Variants in TRAPPC9 observed in about 807,000 individuals in gnomAD.
The protein encoded by TRAPPC9 is IKK2 binding protein.
A neutral mutation model predicts 124.0 loss-of-function variants in TRAPPC9; 83 were observed. The observed-to-expected ratio is 0.67, with a 90% CI of 0.56 to 0.80. TRAPPC9 has a LOEUF of 0.80. TRAPPC9 is among the 30% of genes least tolerant of loss of function. TRAPPC9 has a pLI of 0.00. For synonymous variants in TRAPPC9, 638 were observed against 617.5 expected, an observed-to-expected ratio of 1.03 and a Z score of -0.49; for missense variants, 1,302 against 1,508.3, an observed-to-expected ratio of 0.86 and a Z score of 2.27.
intron 21 of TRAPPC9, among the ~76,000 whole-genome samples, chr8:139,841,677 G>A (rs12234980): frequency 6.6e-6 from 1 of 152,228 alleles, no homozygotes; most frequent in Non-Finnish European, 1.5e-5. Context: ...TCCTGGTGCA[G>A]GCAGAATTCG....
intron 17 of TRAPPC9, among the ~76,000 whole-genome samples, chr8:140,090,962 C>T (rs1844532519): frequency 6.6e-6 from 1 of 152,202 alleles, no homozygotes; most frequent in Non-Finnish European, 1.5e-5. Context: ...TCGAGCGCTC[C>T]CAGTGCTACA....
intron 4 of TRAPPC9, among the ~76,000 whole-genome samples, chr8:140,433,240 C>T (rs1283125252): frequency 2.0e-5 from 3 of 151,788 alleles, no homozygotes; most frequent in East Asian, 1.9e-4. Flanking sequence ...TATAGTGAGC[C>T]GAGATCATGC....
chr8:140,074,330 A>G (rs2129878214), intron 17 of TRAPPC9, among the ~76,000 whole-genome samples: 1 of 152,302 alleles, frequency 6.6e-6, no homozygotes, highest in African/African-American at 2.4e-5. Context: ...CAGTGGTCAC[A>G]GCCGTGCTTC....
intron 6 of TRAPPC9, among the ~76,000 whole-genome samples, chr8:140,403,118 T>G (rs968462768): frequency 6.6e-6 from 1 of 152,176 alleles, no homozygotes; most frequent in Admixed American, 6.5e-5. Context: ...AAGAGTTTTA[T>G]TCTATCATTA....
At chr8:139,991,667 C>T (rs1234594814) in intron 18 of TRAPPC9, among the ~76,000 whole-genome samples, 5 of 151,258 alleles carry the variant, frequency 3.3e-5, no homozygotes, top group South Asian at 4.2e-4. Flanking sequence ...GAGACCAAGG[C>T]GAGTCTCTGA....
intron 21 of TRAPPC9, among the ~76,000 whole-genome samples, chr8:139,839,525 G>T (rs1210771821): frequency 1.3e-5 from 2 of 152,218 alleles, no homozygotes; most frequent in Non-Finnish European, 2.9e-5. Context: ...TCTCAGGGGA[G>T]TAGACAGTAG....
chr8:139,968,584 C>T (rs56193660), intron 19 of TRAPPC9, among the ~76,000 whole-genome samples: 2 of 152,160 alleles, frequency 1.3e-5, no homozygotes, highest in Admixed American at 6.5e-5. Flanking sequence ...TTGTCTACTC[C>T]GGACAAGGCT....
chr8:139,965,387 C>T (rs906207999), intron 19 of TRAPPC9, among the ~76,000 whole-genome samples: 5 of 152,270 alleles, frequency 3.3e-5, no homozygotes, highest in Non-Finnish European at 5.9e-5. Flanking sequence ...CAGCAGCTCC[C>T]GAGGCTCCCA....
chr8:140,090,833 C>T (rs932582930), intron 17 of TRAPPC9, among the ~76,000 whole-genome samples: 9 of 152,216 alleles, frequency 5.9e-5, no homozygotes, highest in Non-Finnish European at 8.8e-5. Flanking sequence ...TCATTGACAG[C>T]GGAGGCCAAC....
chr8:140,078,692 A>G (rs1160274945), intron 17 of TRAPPC9, among the ~76,000 whole-genome samples: 1 of 152,146 alleles, frequency 6.6e-6, no homozygotes, highest in Non-Finnish European at 1.5e-5. Flanking sequence ...TCATCTTCTG[A>G]GGAGCCCATG....
At chr8:140,355,670 T>C (rs1302546431) in intron 9 of TRAPPC9, among the ~76,000 whole-genome samples, 1 of 152,062 alleles carries the variant, frequency 6.6e-6, no homozygotes. Flanking sequence ...GCTCTGGCCA[T>C]AAAAGCAATG....
chr8:140,231,802 C>A (rs976028067), intron 16 of TRAPPC9, among the ~76,000 whole-genome samples: 1 of 152,060 alleles, frequency 6.6e-6, no homozygotes, highest in African/African-American at 2.4e-5. Flanking sequence ...CTTTCCTACC[C>A]TACCCTTTTC....
Position 140,038,792 on chromosome 8 carries a change from G to A in TRAPPC9, c.2557-14713C>T, listed in dbSNP as rs116631508. 1.7e-3 allele frequency among the ~76,000 whole-genome samples: 266 copies of A among 152,324 alleles called. 2 individuals carry two copies. The highest frequency in any genetic ancestry group is 5.8e-3 in the African/African-American group (243 of 41,564). On this transcript the variant is annotated intron_variant, in intron 17 of 22. Transcript: ENST00000438773. ...TATCTGCCAAGTCTGTCTAATCCACGTGCTTAGATGGTTCCCGTCTGCAGG... is the reference window on the plus strand; with the variant it reads ...TATCTGCCAAGTCTGTCTAATCCACATGCTTAGATGGTTCCCGTCTGCAGG...
intron 18 of TRAPPC9, among the ~76,000 whole-genome samples, chr8:140,011,058 G>C (rs1476574434): frequency 6.6e-6 from 1 of 152,090 alleles, no homozygotes; most frequent in African/African-American, 2.4e-5. Context: ...AATGGTAACA[G>C]GCAGGGCATG....
intron 17 of TRAPPC9, among the ~76,000 whole-genome samples, chr8:140,186,689 C>T (rs1156888527): frequency 2.0e-5 from 3 of 152,168 alleles, no homozygotes; most frequent in Non-Finnish European, 4.4e-5. Flanking sequence ...GAGGTTTCTG[C>T]ATCTCTTCAT....
intron 18 of TRAPPC9, among the ~76,000 whole-genome samples, chr8:139,998,005 GCATCCTACA>G (rs1251872703): frequency 1.4e-5 from 2 of 143,964 alleles, no homozygotes; most frequent in Admixed American, 1.4e-4. Context: ...GGGAGACAAT[GCATCCTACA>G]CAGGGAGACA....
intron 20 of TRAPPC9, among the ~76,000 whole-genome samples, chr8:139,893,520 C>T (rs1274444538): frequency 6.6e-6 from 1 of 152,254 alleles, no homozygotes; most frequent in Non-Finnish European, 1.5e-5. Context: ...ACCGTGAACA[C>T]CTTTCTTTGA....
intron 17 of TRAPPC9, among the ~76,000 whole-genome samples, chr8:140,202,174 A>AC (rs2062808251): frequency 6.6e-6 from 1 of 151,978 alleles, no homozygotes; most frequent in African/African-American, 2.4e-5. Context: ...AAAAAAAAAA[A>AC]AAAAAGCAAT....
chr8:140,446,251 G>A (rs932530551), intron 2 of TRAPPC9, among the ~76,000 whole-genome samples: 10 of 137,418 alleles, frequency 7.3e-5, no homozygotes, highest in Non-Finnish European at 1.5e-4. Flanking sequence ...CCAGGATCGC[G>A]CCACTGCACT....
Sources: allele counts gnomAD v4.1 joint callset (sites outside exome capture counted in the v4.1 genomes callset), GRCh38; gene constraint gnomAD v4.1.1; transcripts MANE v1.5; gene names NCBI Gene and HGNC (gene_info 2026-07-23, HGNC 2026-07-21).